The following HTATSF1 variants were observed in gnomAD, a reference collection of about 807,000 sequenced individuals.
HTATSF1 encodes the protein HIV-1 Tat specific factor 1.
Under a neutral mutation model 46.1 loss-of-function variants are expected in HTATSF1, and 6 were observed. That is an observed-to-expected ratio of 0.13 (90% CI 0.07 to 0.26). The LOEUF (loss-of-function observed/expected upper bound fraction) is 0.26, where lower values mean the gene tolerates loss of function less well. Ranked by LOEUF, HTATSF1 falls within the 10% of genes least tolerant of loss-of-function variation. HTATSF1 has a pLI of 1.00. For synonymous variants in HTATSF1, 226 were observed against 211.5 expected (o/e 1.07, Z -0.60); for missense variants, 452 against 559.9 (o/e 0.81, Z 1.94).
At chrX:136,504,318 T>C (rs2075732394) in intron 5 of HTATSF1, 46 bp from the exon 6 acceptor site, 2 of 1,009,957 alleles carry the variant, frequency 2.0e-6, no homozygotes, top group Admixed American at 2.3e-5. Flanking sequence ...CTCCAACAAG[T>C]CTGAAGCAAA....
chrX:136,507,773 G>A (rs777370276), intron 6 of HTATSF1, among the ~76,000 whole-genome samples: 19 of 110,892 alleles, frequency 1.7e-4, no homozygotes, highest in Non-Finnish European at 3.0e-4. Context: ...AGATTTTCTT[G>A]AATATTGGCT....
intron 6 of HTATSF1, among the ~76,000 whole-genome samples, chrX:136,505,607 A>G (rs767595823): frequency 8.9e-6 from 1 of 112,073 alleles, no homozygotes; most frequent in African/African-American, 3.2e-5. Context: ...TTTGCCAGCA[A>G]TAACTTTAAA....
intron 1 of HTATSF1, among the ~76,000 whole-genome samples, chrX:136,498,546 C>G (rs933368777): frequency 3.6e-5 from 4 of 112,297 alleles, no homozygotes; most frequent in African/African-American, 1.3e-4. Flanking sequence ...TAATCTGGCT[C>G]TCATGAGCAG....
intron 2 of HTATSF1, 124 bp downstream of exon 2, chrX:136,499,902 T>C (rs1450042097): frequency 7.5e-6 from 4 of 530,389 alleles, no homozygotes; most frequent in African/African-American, 7.3e-5. Flanking sequence ...TTCTTTAAGG[T>C]AGTGTCAGTT....
intron 6 of HTATSF1, among the ~76,000 whole-genome samples, chrX:136,504,741 TATC>T (rs1056866142): frequency 1.8e-5 from 2 of 111,999 alleles, no homozygotes; most frequent in African/African-American, 6.5e-5. Flanking sequence ...CATTGAAAAA[TATC>T]ATCATCAAAA....
intron 2 of HTATSF1, 101 bp downstream of exon 2, chrX:136,499,879 T>G: frequency 3.0e-5 from 18 of 605,484 alleles, no homozygotes; most frequent in Non-Finnish European, 4.2e-5. Context: ...TTTGAAGGAA[T>G]AAGGTGAGTT....
Position 136,499,667 on chromosome X carries a change from AC to A in HTATSF1, c.258del (p.Ala87GlnfsTer74). The A allele has an allele frequency of 8.3e-7, 1 of 1,202,653 alleles. No homozygotes were observed. The highest frequency in any genetic ancestry group is 1.1e-6 in the Non-Finnish European group (1 of 891,734). ...CTCTAACGATGGCGCATCTAGTTCT[AC>A]CGCAAATGTTGAAGATGTCCATGCT... ...GFSNDGASSS[T>X]ANVEDVHART... On this transcript the variant is annotated frameshift_variant, in exon 2 of 9. Transcript: ENST00000218364. LOFTEE classifies it high-confidence loss of function.
In HTATSF1 at chrX:136,500,159, A is replaced by G; in HGVS notation, c.369A>G (p.Gly123=). The G allele has an allele frequency of 9.3e-7, 1 of 1,075,367 alleles. No individual in the cohort carries two copies. The highest frequency in any genetic ancestry group is 1.3e-6 in the Non-Finnish European group (1 of 776,541). 88.6% of individuals were successfully genotyped at this position (1,075,367 alleles called of 1,213,427 possible). ...TATTTAATTAATTTTGATTTCTAGG[A>G]TGGTTTCATGTTGAAGAAGACAGAA... ...KKGEKRKAES[G]WFHVEEDRNT... Residue 123 remains glycine (G), a splice_region_variant and synonymous_variant, in exon 3 of 9, where the codon GGA becomes GGG. Transcript: ENST00000218364.
At chrX:136,497,562 AGGCGGGCCGGGGGGCGGCGGGGC>A, upstream of HTATSF1, 2 of 507,609 alleles carry the variant, frequency 3.9e-6, no homozygotes, top group Non-Finnish European at 6.0e-6. Flanking sequence ...CGCAGCGGGG[AGGCGGGCCGGGGGGCGGCGGGGC>A]GCGAGCAGAG....
intron 6 of HTATSF1, 39 bp downstream of exon 6, chrX:136,504,502 GC>G (rs1156371495): frequency 9.5e-7 from 1 of 1,051,996 alleles, no homozygotes. Context: ...ATGCTGATAG[GC>G]TTTTTTTCTC....
intron 4 of HTATSF1, among the ~76,000 whole-genome samples, chrX:136,501,894 C>T (rs954314586): frequency 9.0e-6 from 1 of 111,385 alleles, no homozygotes; most frequent in Non-Finnish European, 1.9e-5. Flanking sequence ...AAAAAATCTG[C>T]GAACAGATTC....
At chrX:136,510,537 T>G (rs973849899) in intron 8 of HTATSF1, among the ~76,000 whole-genome samples, 1 of 112,412 alleles carries the variant, frequency 8.9e-6, no homozygotes, top group Non-Finnish European at 1.9e-5. Context: ...TTGTATGCTG[T>G]AAAGTATAGA....
At position 136,511,609 on chromosome X, in the gene HTATSF1, G is replaced by A. The variant is rs746227981; in HGVS notation, c.1864G>A (p.Glu622Lys). ...DEEGSEREFD[E>K]DSDEKEEEED... Reference sequence around the variant, plus strand: ...GGAAGGCTCTGAGAGAGAGTTTGACGAAGATTCAGATGAAAAGGAAGAAGA... The same window carrying A: ...GGAAGGCTCTGAGAGAGAGTTTGACAAAGATTCAGATGAAAAGGAAGAAGA... Residue 622 changes from glutamate to lysine, a missense_variant, in exon 9 of 9, where the codon GAA (glutamate) becomes AAA (lysine). Transcript: ENST00000218364. 2.4e-5 allele frequency: 29 copies of A among 1,210,974 alleles called. No individual in the cohort carries two copies. Among genetic ancestry groups the A allele is most frequent in the Non-Finnish European group, 3.2e-5 (29 of 894,966 alleles).
rs2075765685 is a variant in HTATSF1, at chrX:136,511,189, CAA to C, written c.1448_1449del (p.Lys483ArgfsTer3). On this transcript the variant is annotated frameshift_variant, in exon 9 of 9. Transcript: ENST00000218364. LOFTEE classifies it high-confidence loss of function. ...PKRGFEGSCS[Q>X]KESEEGNPVR... ...AAGAGGGTTTGAAGGCAGCTGCTCC[CAA>C]AAAGAGTCTGAAGAAGGCAATCCCG... 3 of 1,204,353 alleles carry C rather than the reference CAA, an allele frequency of 2.5e-6. No homozygotes were observed. The highest frequency in any genetic ancestry group is 3.4e-6 in the Non-Finnish European group (3 of 893,810).
intron 4 of HTATSF1, among the ~76,000 whole-genome samples, chrX:136,502,066 T>C (rs1337536608): frequency 9.0e-6 from 1 of 111,612 alleles, no homozygotes; most frequent in Non-Finnish European, 1.9e-5. Context: ...AGTTATCCAT[T>C]TTTCTTTTCT....
upstream of HTATSF1, chrX:136,497,437 C>T (rs1366517801): frequency 1.5e-5 from 2 of 132,549 alleles, no homozygotes; most frequent in Non-Finnish European, 3.0e-5. Context: ...CGGAGCAAGC[C>T]AGGTGGGCGG....
chrX:136,497,651 C>T lies in HTATSF1; in HGVS notation c.-34C>T. On this transcript the variant is annotated 5_prime_UTR_variant, in exon 1 of 9. Transcript: ENST00000218364. ...CCAGCGTCATTTCGGCCTCTTAGTTCTTCTGAACCCTGCTCCTGAGCTAGG... is the reference window on the plus strand; with the variant it reads ...CCAGCGTCATTTCGGCCTCTTAGTTTTTCTGAACCCTGCTCCTGAGCTAGG... 8.8e-7 allele frequency: 1 copy of T among 1,142,833 alleles called. No homozygotes were observed. Among genetic ancestry groups the T allele is most frequent in the Middle Eastern group, 2.5e-4 (1 of 4,075 alleles). 94.2% of individuals were successfully genotyped at this position (1,142,833 alleles called of 1,213,427 possible). A position where few individuals can be genotyped will look rare whatever the true frequency, so the allele number is the denominator to read the frequency against.
chrX:136,512,096 C>G lies in HTATSF1; in HGVS notation c.*83C>G, dbSNP rs185621465. 5.1e-6 allele frequency: 5 copies of G among 984,716 alleles called. No homozygotes were observed. The African/African-American group carries it at 9.7e-5, about 19-fold the overall frequency. The allele number at this position is 984,716 out of a possible 1,213,427, so 81.2% of individuals were successfully genotyped here. A position where few individuals can be genotyped will look rare whatever the true frequency, so the allele number is the denominator to read the frequency against. On this transcript the variant is annotated 3_prime_UTR_variant, in exon 9 of 9. Coordinates refer to ENST00000218364, the MANE Select transcript of HTATSF1 (RefSeq NM_014500.5). ...GTAATTACTAGTAGTGTTACATGAA[C>G]ATGTGCATAGTGGTAGGATGCCATC...
chrX:136,509,206 A>G, intron 7 of HTATSF1, 26 bp downstream of exon 7: 1 of 1,015,033 alleles, frequency 9.9e-7, no homozygotes, highest in South Asian at 1.9e-5. Flanking sequence ...GGACATATGG[A>G]TCCTAAAGCA....
Sources: allele counts gnomAD v4.1 joint callset (sites outside exome capture counted in the v4.1 genomes callset), GRCh38; gene constraint gnomAD v4.1.1; transcripts MANE v1.5; gene names NCBI Gene and HGNC (gene_info 2026-07-23, HGNC 2026-07-21).